The following CENPP variants were observed in gnomAD, a reference collection of about 807,000 sequenced individuals.
CENPP encodes the protein centromere protein P.
A neutral mutation model predicts 35.6 loss-of-function variants in CENPP; 24 were observed. The observed-to-expected ratio is 0.67, with a 90% CI of 0.49 to 0.95. CENPP has a LOEUF of 0.95. CENPP is among the 40% of genes least tolerant of loss of function. The probability of loss-of-function intolerance (pLI) is 0.00; values close to 1 mark genes in which losing one functional copy is unlikely to be tolerated. For synonymous variants in CENPP, 120 were observed against 125.5 expected (o/e 0.96, Z 0.29); for missense variants, 332 against 345.3 (o/e 0.96, Z 0.31).
intron 5 of CENPP, chr9:92,415,504 C>A: frequency 1.5e-6 from 2 of 1,361,714 alleles, no homozygotes; most frequent in South Asian, 1.4e-5. Context: ...AAAAATTAAT[C>A]TTGTATTATA....
intron 1 of CENPP, among the ~76,000 whole-genome samples, chr9:92,330,286 G>C (rs1923599): frequency 0.67 from 101,643 of 152,124 alleles, 36,008 homozygotes; most frequent in African/African-American, 0.91. Context: ...CAAGAGAAAC[G>C]ATTTGGTGAG....
At chr9:92,582,834 G>A (rs1038779383) in intron 5 of CENPP, among the ~76,000 whole-genome samples, 1 of 152,084 alleles carries the variant, frequency 6.6e-6, no homozygotes, top group Non-Finnish European at 1.5e-5. Flanking sequence ...AGAGTAGAAC[G>A]ACTCCCTAGG....
At chr9:92,431,539 A>G (rs1449203747) in intron 5 of CENPP, among the ~76,000 whole-genome samples, 1 of 151,998 alleles carries the variant, frequency 6.6e-6, no homozygotes, top group African/African-American at 2.4e-5. Context: ...CTTCTGTTGT[A>G]TGCCTGTTGA....
intron 4 of CENPP, among the ~76,000 whole-genome samples, chr9:92,354,034 T>A (rs1222563658): frequency 6.6e-6 from 1 of 152,200 alleles, no homozygotes; most frequent in Non-Finnish European, 1.5e-5. Context: ...GTAAGACCAG[T>A]GAATTCCATG....
At chr9:92,384,503 G>A (rs1842349345) in intron 5 of CENPP, 1 of 152,160 alleles carries the variant, frequency 6.6e-6, no homozygotes, top group South Asian at 2.1e-4. Context: ...TGGGGTACAA[G>A]TGAGAGGAAT....
In CENPP at chr9:92,457,336, A is replaced by G. The variant is rs7043809; in HGVS notation, c.564+77477A>G. The stretch of plus-strand genomic sequence containing the variant: ...GAACGCTCATTCTGCTCAAAACACA[A>G]CGAAATGTTGCAGGTTGCATTTCCC... On this transcript the variant is annotated intron_variant, in intron 5 of 7. Transcript: ENST00000375587. The G allele has an allele frequency of 1.9e-6, 3 of 1,613,950 alleles. No homozygotes were observed. The Admixed American group carries it at 5.0e-5, about 27-fold the overall frequency.
At chr9:92,535,632 ATTAT>A (rs1334562933) in intron 5 of CENPP, among the ~76,000 whole-genome samples, 7 of 152,072 alleles carry the variant, frequency 4.6e-5, no homozygotes, top group African/African-American at 1.7e-4. Flanking sequence ...AATATTTTGA[ATTAT>A]TTATGTTCTT....
chr9:92,522,473 T>C (rs1446512463), intron 5 of CENPP: 1 of 1,186,548 alleles, frequency 8.4e-7, no homozygotes, highest in Non-Finnish European at 1.1e-6. Flanking sequence ...GAAAATTATC[T>C]TCATGGAGAT....
intron 4 of CENPP, among the ~76,000 whole-genome samples, chr9:92,352,429 A>T (rs1323929002): frequency 7.0e-6 from 1 of 143,294 alleles, no homozygotes; most frequent in Non-Finnish European, 1.5e-5. Context: ...CCATTGAGAG[A>T]AGACAGGGCC....
At chr9:92,485,356 A>C (rs1846030308) in intron 5 of CENPP, among the ~76,000 whole-genome samples, 1 of 152,222 alleles carries the variant, frequency 6.6e-6, no homozygotes, top group African/African-American at 2.4e-5. Flanking sequence ...TTGCATTATA[A>C]CAGTATATTT....
intron 5 of CENPP, among the ~76,000 whole-genome samples, chr9:92,445,038 G>A (rs1844516485): frequency 6.6e-6 from 1 of 152,164 alleles, no homozygotes; most frequent in Non-Finnish European, 1.5e-5. Context: ...GTTGAGCCTA[G>A]GGGGATGGGC....
rs1043729413 is a variant in CENPP, at chr9:92,435,051, CAAAAA to C, written c.564+55193_564+55197del. Reference sequence around the variant, plus strand: ...TGGACAACAGAGCGAGACTCCATCTCAAAAATAAAATAAAAAGTATACTGTACACT... The same window carrying C: ...TGGACAACAGAGCGAGACTCCATCTCTAAAATAAAAAGTATACTGTACACT... On this transcript the variant is annotated intron_variant, in intron 5 of 7. Coordinates refer to ENST00000375587, the MANE Select transcript of CENPP (RefSeq NM_001012267.3). Among the ~76,000 whole-genome samples the C allele has an allele frequency of 7.2e-4, 110 of 152,190 alleles. 1 individual carries two copies. The highest frequency in any genetic ancestry group is 2.5e-3 in the African/African-American group (105 of 41,522).
upstream of CENPP, chr9:92,325,762 C>G (rs1588021352): frequency 1.9e-6 from 1 of 514,296 alleles, no homozygotes; most frequent in East Asian, 3.6e-5. Context: ...GAAAGTATAG[C>G]CACTGCTTAG....
chr9:92,483,557 A>G (rs1249439582), intron 5 of CENPP, among the ~76,000 whole-genome samples: 1 of 152,186 alleles, frequency 6.6e-6, no homozygotes, highest in Non-Finnish European at 1.5e-5. Flanking sequence ...CCCTAGTGGC[A>G]AGGACTTACT....
intron 5 of CENPP, among the ~76,000 whole-genome samples, chr9:92,389,147 G>A (rs1322439485): frequency 6.6e-6 from 1 of 152,078 alleles, no homozygotes; most frequent in Non-Finnish European, 1.5e-5. Flanking sequence ...GATTATGTCT[G>A]TTACCAGCAA....
chr9:92,435,458 A>G (rs543417964), intron 5 of CENPP, among the ~76,000 whole-genome samples: 1 of 152,322 alleles, frequency 6.6e-6, no homozygotes, highest in Non-Finnish European at 1.5e-5. Flanking sequence ...TTGCAAAACT[A>G]TGGTACAGTA....
In CENPP at chr9:92,375,917, G is replaced by A. The variant is rs148543025; in HGVS notation, c.468-3846G>A. On this transcript the variant is annotated intron_variant, in intron 4 of 7. Coordinates refer to ENST00000375587, the MANE Select transcript of CENPP (RefSeq NM_001012267.3). Reference sequence around the variant, plus strand: ...TGTTTCTTTGCATGCTTAGTTTTTTGTTATTGTCATTAAATACTGTACATT... The same window carrying A: ...TGTTTCTTTGCATGCTTAGTTTTTTATTATTGTCATTAAATACTGTACATT... 1.5e-3 allele frequency among the ~76,000 whole-genome samples: 214 copies of A among 142,418 alleles called. 2 individuals are homozygous for A. Among genetic ancestry groups the A allele is most frequent in the Middle Eastern group, 0.014 (4 of 282 alleles). The allele number at this position is 142,418 out of a possible 152,430, so 93.4% of individuals were successfully genotyped here.
At chr9:92,608,130 C>T (rs1305870607) in intron 5 of CENPP, among the ~76,000 whole-genome samples, 1 of 152,180 alleles carries the variant, frequency 6.6e-6, no homozygotes, top group African/African-American at 2.4e-5. Context: ...CTGACAATAT[C>T]CATGGAAGCA....
chr9:92,571,815 A>T (rs1193858724), intron 5 of CENPP, among the ~76,000 whole-genome samples: 1 of 151,420 alleles, frequency 6.6e-6, no homozygotes, highest in Non-Finnish European at 1.5e-5. Flanking sequence ...TGTTGAATTG[A>T]TCCCTTTACC....
Sources: allele counts gnomAD v4.1 joint callset (sites outside exome capture counted in the v4.1 genomes callset), GRCh38; gene constraint gnomAD v4.1.1; transcripts MANE v1.5; gene names NCBI Gene and HGNC (gene_info 2026-07-23, HGNC 2026-07-21).